Variants in TNR observed in about 807,000 individuals in gnomAD.
TNR encodes the protein tenascin R.
TNR carries 45 observed loss-of-function variants against 150.4 expected under a neutral mutation model. The ratio of observed to expected loss-of-function variants is 0.30; its 90% CI spans 0.24 to 0.38. The LOEUF is 0.38. Among genes scored for constraint, TNR ranks in the 10% least tolerant of loss-of-function variants. The pLI, the probability that TNR is intolerant of heterozygous loss-of-function variation, is 1.00. For missense variants in TNR, 1,544 were observed against 1,759.1 expected, an observed-to-expected ratio of 0.88 and a Z score of 2.19; for synonymous variants, 687 against 678.4, an observed-to-expected ratio of 1.01 and a Z score of -0.20.
At chr1:175,577,677 A>T (rs1400828085) in intron 1 of TNR, among the ~76,000 whole-genome samples, 4 of 152,030 alleles carry the variant, frequency 2.6e-5, no homozygotes, top group Admixed American at 2.6e-4. Context: ...CATCTATAAT[A>T]TCGTTTCTGT....
intron 1 of TNR, among the ~76,000 whole-genome samples, chr1:175,555,799 C>A (rs527861401): frequency 2.6e-5 from 4 of 152,274 alleles, no homozygotes; most frequent in African/African-American, 9.6e-5. Context: ...GTAGCTGACC[C>A]AAGTTCAGCT....
intron 1 of TNR, among the ~76,000 whole-genome samples, chr1:175,732,802 G>A (rs998306180): frequency 2.0e-5 from 3 of 152,222 alleles, no homozygotes; most frequent in Admixed American, 6.5e-5. Context: ...GTGAAAAGGG[G>A]TTAATAACAG....
chr1:175,527,584 A>C (rs1174876221), intron 2 of TNR, among the ~76,000 whole-genome samples: 2 of 152,214 alleles, frequency 1.3e-5, no homozygotes, highest in Non-Finnish European at 2.9e-5. Flanking sequence ...CTGTTTGAAA[A>C]GTTCCCAGTT....
At position 175,591,563 on chromosome 1, in the gene TNR, G is replaced by A. The variant is rs141326038; in HGVS notation, c.-164-63194C>T. Among the ~76,000 whole-genome samples, 191 of 152,368 alleles carry A rather than the reference G, an allele frequency of 1.3e-3. 1 individual carries two copies. In the East Asian group the frequency reaches 0.028, roughly 23 times the overall value. On this transcript the variant is annotated intron_variant, in intron 1 of 22. Coordinates refer to ENST00000367674, the MANE Select transcript of TNR (RefSeq NM_003285.3). The stretch of plus-strand genomic sequence containing the variant: ...GCCTGAGAAGGGAAGGGAAGAGGCT[G>A]CAAGGACAGTGTGGGGTGGTGACAT...
At chr1:175,485,979 A>T (rs114967135) in intron 2 of TNR, among the ~76,000 whole-genome samples, 2,600 of 152,164 alleles carry the variant, frequency 0.017, 81 homozygotes, top group African/African-American at 0.058. Flanking sequence ...AACCTACCCA[A>T]AGTCACTCTA....
At chr1:175,519,000 G>C (rs1280218114) in intron 2 of TNR, among the ~76,000 whole-genome samples, 1 of 152,160 alleles carries the variant, frequency 6.6e-6, no homozygotes, top group African/African-American at 2.4e-5. Context: ...ATTAATGTTA[G>C]AATTCCCTTC....
intron 1 of TNR, among the ~76,000 whole-genome samples, chr1:175,590,687 C>A (rs1420172602): frequency 1.3e-5 from 2 of 152,162 alleles, no homozygotes; most frequent in African/African-American, 4.8e-5. Context: ...GCATTCTAGG[C>A]CAAAGGACAG....
chr1:175,449,051 G>A (rs768633719), intron 2 of TNR, among the ~76,000 whole-genome samples: 9 of 152,126 alleles, frequency 5.9e-5, no homozygotes, highest in Admixed American at 3.3e-4. Flanking sequence ...TGCCACCTGC[G>A]GACACATTTA....
At chr1:175,331,059 T>TTCCTTC (rs1553203374) in intron 20 of TNR, among the ~76,000 whole-genome samples, 27 of 121,840 alleles carry the variant, frequency 2.2e-4, no homozygotes, top group Admixed American at 1.2e-3. Context: ...CTTTCTTTCT[T>TTCCTTC]TCTTTCTTTC....
At chr1:175,349,877 T>A (rs915433697) in intron 18 of TNR, among the ~76,000 whole-genome samples, 1 of 152,162 alleles carries the variant, frequency 6.6e-6, no homozygotes, top group African/African-American at 2.4e-5. Context: ...CTTTTAGGGG[T>A]TTGTTTGTCT....
At chr1:175,329,788 C>G (rs1649627441) in intron 21 of TNR, among the ~76,000 whole-genome samples, 2 of 152,188 alleles carry the variant, frequency 1.3e-5, no homozygotes, top group Non-Finnish European at 2.9e-5. Context: ...TACAATCACT[C>G]CACTGATTTT....
intron 1 of TNR, among the ~76,000 whole-genome samples, chr1:175,738,583 G>A (rs1667838525): frequency 6.6e-6 from 1 of 152,178 alleles, no homozygotes; most frequent in South Asian, 2.1e-4. Flanking sequence ...TTCGGAAAAT[G>A]GATGATGGTG....
At chr1:175,658,914 TC>T (rs949503602) in intron 1 of TNR, among the ~76,000 whole-genome samples, 1 of 152,162 alleles carries the variant, frequency 6.6e-6, no homozygotes, top group African/African-American at 2.4e-5. Context: ...TGCTTTCACA[TC>T]GATGTTTTAG....
chr1:175,414,150 C>T (rs1432946308), intron 2 of TNR, among the ~76,000 whole-genome samples: 1 of 152,024 alleles, frequency 6.6e-6, no homozygotes, highest in African/African-American at 2.4e-5. Flanking sequence ...ATACTCCTTA[C>T]CTGGGACTTC....
At chr1:175,478,320 G>A (rs1430156845) in intron 2 of TNR, among the ~76,000 whole-genome samples, 1 of 152,204 alleles carries the variant, frequency 6.6e-6, no homozygotes, top group Non-Finnish European at 1.5e-5. Flanking sequence ...GAAGAAGGAA[G>A]AGGAATGGAG....
intron 2 of TNR, among the ~76,000 whole-genome samples, chr1:175,493,942 C>T (rs1181889554): frequency 6.6e-6 from 1 of 152,218 alleles, no homozygotes; most frequent in African/African-American, 2.4e-5. Context: ...GATCCACTCT[C>T]AGCTGAGGGG....
At chr1:175,490,275 T>C (rs553289844) in intron 2 of TNR, among the ~76,000 whole-genome samples, 7 of 152,262 alleles carry the variant, frequency 4.6e-5, no homozygotes, top group African/African-American at 1.2e-4. Context: ...AAACCTTAGA[T>C]GAAAATCTAG....
chr1:175,374,219 T>A (rs1225680870), intron 9 of TNR, among the ~76,000 whole-genome samples: 1 of 152,168 alleles, frequency 6.6e-6, no homozygotes, highest in Non-Finnish European at 1.5e-5. Context: ...CTCAGATTTC[T>A]TCCCCTGCAG....
At chr1:175,399,233 C>T (rs1311410086) in intron 4 of TNR, among the ~76,000 whole-genome samples, 1 of 152,232 alleles carries the variant, frequency 6.6e-6, no homozygotes, top group Non-Finnish European at 1.5e-5. Flanking sequence ...GTTTCCTATG[C>T]AGGACTTCTG....
Sources: gnomAD v4.1 joint callset for allele counts (sites outside exome capture counted in the v4.1 genomes callset) on GRCh38, gnomAD v4.1.1 for gene constraint, MANE v1.5 for transcripts, NCBI Gene and HGNC (gene_info 2026-07-23, HGNC 2026-07-21) for gene names.